CFAP43: variants seen among roughly 807,000 people sequenced by gnomAD.
CFAP43 encodes the protein cilia- and flagella-associated protein 43.
Under a neutral mutation model 218.9 loss-of-function variants are expected in CFAP43, and 155 were observed. That is an observed-to-expected ratio of 0.71 (90% CI 0.62 to 0.81). The LOEUF is 0.81. CFAP43 is among the 30% of genes least tolerant of loss of function. The probability of loss-of-function intolerance (pLI) is 0.00; values close to 1 mark genes in which losing one functional copy is unlikely to be tolerated. For missense variants in CFAP43, 1,778 were observed against 1,954.3 expected (o/e 0.91, Z 1.70); for synonymous variants, 645 against 681.3 (o/e 0.95, Z 0.83).
chr10:104,175,088 C>CAAAAA (rs141434447), intron 19 of CFAP43, among the ~76,000 whole-genome samples: 7 of 142,914 alleles, frequency 4.9e-5, no homozygotes, highest in Admixed American at 1.4e-4. Context: ...AACAAACAAA[C>CAAAAA]AAAAAAAAAC....
chr10:104,206,334 G>C (rs1054770152), intron 6 of CFAP43, among the ~76,000 whole-genome samples: 1 of 152,182 alleles, frequency 6.6e-6, no homozygotes, highest in Non-Finnish European at 1.5e-5. Context: ...ATGCAATGGG[G>C]AAAACTTGCT....
chr10:104,158,604 A>G (rs1339860967), intron 27 of CFAP43, among the ~76,000 whole-genome samples: 1 of 152,208 alleles, frequency 6.6e-6, no homozygotes, highest in Non-Finnish European at 1.5e-5. Flanking sequence ...GAACATTACA[A>G]ACTAAGTGAA....
chr10:104,156,726 T>C (rs1347595156), intron 27 of CFAP43, among the ~76,000 whole-genome samples: 4 of 152,114 alleles, frequency 2.6e-5, no homozygotes, highest in African/African-American at 9.7e-5. Context: ...CAAAATAATA[T>C]AAAATTTAAA....
chr10:104,222,038 T>C (rs1302395948), intron 3 of CFAP43, among the ~76,000 whole-genome samples: 1 of 152,244 alleles, frequency 6.6e-6, no homozygotes, highest in Non-Finnish European at 1.5e-5. Context: ...TTATTTTTAA[T>C]TACACAAATA....
intron 27 of CFAP43, among the ~76,000 whole-genome samples, chr10:104,157,775 T>TGTGTGAGAGAGAGAGAGAGAGA (rs1484523345): frequency 7.8e-5 from 7 of 90,160 alleles, no homozygotes; most frequent in African/African-American, 3.5e-4. Flanking sequence ...TGTGTGTGTG[T>TGTGTGAGAGAGAGAGAGAGAGA]GAGAGAGAGA....
At chr10:104,179,172 AG>A in intron 18 of CFAP43, 66 bp from the exon 19 acceptor site, 3 of 1,380,754 alleles carry the variant, frequency 2.2e-6, no homozygotes, top group South Asian at 1.2e-5. Flanking sequence ...AGAGAGAGAG[AG>A]AGAGAGAGCA....
chr10:104,154,246 A>T (rs1329457013), intron 27 of CFAP43, among the ~76,000 whole-genome samples: 2 of 152,228 alleles, frequency 1.3e-5, no homozygotes, highest in Non-Finnish European at 2.9e-5. Flanking sequence ...TATTACTATG[A>T]TGGTAATAAA....
chr10:104,154,268 T>G (rs2134784258), intron 27 of CFAP43, among the ~76,000 whole-genome samples: 1 of 152,300 alleles, frequency 6.6e-6, no homozygotes, highest in South Asian at 2.1e-4. Context: ...AGTTTAAATA[T>G]ACACCAGTTT....
At position 104,131,425 on chromosome 10, in the gene CFAP43, G is replaced by A. The variant is rs901615920; in HGVS notation, c.4737C>T (p.Ser1579=). ...CATAATTTGCTATATCTTTTTGATT[G>A]CTGAACTTTCCAAGTTTTTTGAGTA... ...KKLLKKLGKF[S]NQKDIANYAL... The change falls in exon 37 of 38, where the codon AGC becomes AGT. Residue 1579 remains serine (S), a synonymous_variant. Coordinates refer to ENST00000357060, the MANE Select transcript of CFAP43 (RefSeq NM_025145.7). The A allele has an allele frequency of 6.2e-7, 1 of 1,613,420 alleles. No homozygotes were observed. Among genetic ancestry groups the A allele is most frequent in the African/African-American group, 1.3e-5 (1 of 74,868 alleles).
intron 27 of CFAP43, among the ~76,000 whole-genome samples, chr10:104,160,809 G>A (rs917669966): frequency 2.0e-5 from 3 of 152,194 alleles, no homozygotes; most frequent in African/African-American, 7.2e-5. Flanking sequence ...GGGAAATGCT[G>A]AAATCAATAA....
chr10:104,227,835 C>CTTTTTTTTTTTTTTT (rs776193577), intron 2 of CFAP43, among the ~76,000 whole-genome samples: 1 of 58,356 alleles, frequency 1.7e-5, no homozygotes, highest in Non-Finnish European at 3.1e-5. Context: ...ATGTTTTCTA[C>CTTTTTTTTTTTTTTT]TTTTTTTTTT....
intron 19 of CFAP43, among the ~76,000 whole-genome samples, chr10:104,175,866 TA>T (rs2089611187): frequency 6.6e-6 from 1 of 152,228 alleles, no homozygotes; most frequent in Non-Finnish European, 1.5e-5. Flanking sequence ...TAATTCAATT[TA>T]AAAAATATTC....
chr10:104,225,290 C>A (rs2091280347), intron 3 of CFAP43, among the ~76,000 whole-genome samples, 171 bp downstream of exon 3: 1 of 152,138 alleles, frequency 6.6e-6, no homozygotes, highest in Admixed American at 6.5e-5. Context: ...GCTCTGACTG[C>A]CAAATTTTAT....
intron 33 of CFAP43, 58 bp downstream of exon 33, chr10:104,142,223 C>G (rs1298102412): frequency 7.0e-7 from 1 of 1,432,202 alleles, no homozygotes; most frequent in Non-Finnish European, 9.7e-7. Context: ...ATAACACAAC[C>G]TGATTTAGCC....
chr10:104,133,253 A>G (rs1258589648), intron 35 of CFAP43, among the ~76,000 whole-genome samples: 1 of 152,236 alleles, frequency 6.6e-6, no homozygotes, highest in Non-Finnish European at 1.5e-5. Context: ...GAAGTGTTAG[A>G]GGCAAAAGAG....
intron 28 of CFAP43, among the ~76,000 whole-genome samples, chr10:104,150,130 A>T (rs1002296086): frequency 6.6e-6 from 1 of 152,094 alleles, no homozygotes; most frequent in Non-Finnish European, 1.5e-5. Flanking sequence ...ATTCCTTTTT[A>T]TTGTGGGATA....
chr10:104,191,150 AC>A (rs2090197552), intron 12 of CFAP43, among the ~76,000 whole-genome samples: 1 of 152,070 alleles, frequency 6.6e-6, no homozygotes, highest in Admixed American at 6.5e-5. Context: ...CATCCTTCAC[AC>A]TGGTATCAGA....
At chr10:104,174,128 G>T (rs989168622) in intron 19 of CFAP43, among the ~76,000 whole-genome samples, 1 of 152,050 alleles carries the variant, frequency 6.6e-6, no homozygotes, top group Non-Finnish European at 1.5e-5. Flanking sequence ...GAACTAAAAA[G>T]AATTCAACAA....
intron 12 of CFAP43, among the ~76,000 whole-genome samples, chr10:104,189,803 G>A (rs1364131958): frequency 1.3e-5 from 2 of 152,068 alleles, no homozygotes; most frequent in Admixed American, 6.5e-5. Context: ...AGGAGATCAA[G>A]ACCAGCCTGA....
Sources: gnomAD v4.1 joint callset for allele counts (sites outside exome capture counted in the v4.1 genomes callset) on GRCh38, gnomAD v4.1.1 for gene constraint, MANE v1.5 for transcripts, NCBI Gene and HGNC (gene_info 2026-07-23, HGNC 2026-07-21) for gene names.